PCDHA2: variants seen among roughly 807,000 people sequenced by gnomAD.
PCDHA2 encodes the protein protocadherin alpha-2.
A neutral mutation model predicts 66.0 loss-of-function variants in PCDHA2; 58 were observed. That is an observed-to-expected ratio of 0.88 (90% confidence interval 0.71 to 1.09). The LOEUF (loss-of-function observed/expected upper bound fraction) is 1.09, where lower values mean the gene tolerates loss of function less well. PCDHA2 is among the 50% of genes least tolerant of loss of function. PCDHA2 has a pLI of 0.00. For synonymous variants in PCDHA2, 634 were observed against 554.0 expected, an observed-to-expected ratio of 1.14 and a Z score of -2.03; for missense variants, 1,267 against 1,242.3, an observed-to-expected ratio of 1.02 and a Z score of -0.30.
chr5:140,795,015 G>C lies in PCDHA2; in HGVS notation c.51G>C (p.Ser17=). ...GAGGGGCCTGGACACGGCTGCTCTC[G>C]CTTCTGCTCCTCGCAGCCTGGGAGG... ...RGRGAWTRLL[S]LLLLAAWEVG... is the part of the protein sequence containing the mutation. Residue 17 remains serine (S), a synonymous_variant, in exon 1 of 4, where the codon TCG becomes TCC. Coordinates refer to ENST00000526136, the MANE Select transcript of PCDHA2 (RefSeq NM_018905.3). 6.2e-7 allele frequency: 1 copy of C among 1,613,754 alleles called. No individual in the cohort carries two copies. Among genetic ancestry groups the C allele is most frequent in the Non-Finnish European group, 8.5e-7 (1 of 1,179,942 alleles).
chr5:140,815,045 T>A (rs1042274991), intron 1 of PCDHA2: 4 of 152,212 alleles, frequency 2.6e-5, no homozygotes, highest in South Asian at 2.1e-4. Context: ...GAAATTTTTT[T>A]AATATCCTTT....
intron 1 of PCDHA2, chr5:140,968,491 T>C: frequency 6.2e-7 from 1 of 1,614,130 alleles, no homozygotes; most frequent in Non-Finnish European, 8.5e-7. Flanking sequence ...TGAATGACCA[T>C]GCCCCTCACA....
rs1245341216 is a variant in PCDHA2, at chr5:140,807,026, A to C, written c.2388+9674A>C. 15 of 852,748 alleles carry C rather than the reference A, an allele frequency of 1.8e-5. 1 individual carries two copies. The highest frequency in any genetic ancestry group is 5.0e-5 in the East Asian group (2 of 39,752). The allele number at this position is 852,748 out of a possible 1,614,324, so 52.8% of individuals were successfully genotyped here. On this transcript the variant is annotated intron_variant, in intron 1 of 3. Transcript: ENST00000526136. Reference sequence around the variant, plus strand: ...TTACCACAAAATACATGAGAGAAGGAGGAAGAAGGGAAAATTCCTTCTATT... The same window carrying C: ...TTACCACAAAATACATGAGAGAAGGCGGAAGAAGGGAAAATTCCTTCTATT...
chr5:140,984,178 A>C (rs2097090747), intron 3 of PCDHA2, among the ~76,000 whole-genome samples: 1 of 152,184 alleles, frequency 6.6e-6, no homozygotes, highest in South Asian at 2.1e-4. Context: ...AGCCACGTGA[A>C]ATCATGACTT....
chr5:140,928,892 T>C, intron 1 of PCDHA2: 1 of 1,614,198 alleles, frequency 6.2e-7, no homozygotes, highest in Non-Finnish European at 8.5e-7. Flanking sequence ...CTTCCAGACT[T>C]TGAAGATGTC....
chr5:140,846,555 T>C (rs1780556402), intron 1 of PCDHA2, among the ~76,000 whole-genome samples: 1 of 148,312 alleles, frequency 6.7e-6, no homozygotes, highest in Non-Finnish European at 1.5e-5. Flanking sequence ...TTTGTATTTT[T>C]AGTAGAGTCG....
chr5:140,852,974 G>T (rs1554146261), intron 1 of PCDHA2: 2 of 368,228 alleles, frequency 5.4e-6, no homozygotes, highest in East Asian at 1.6e-4. Context: ...CCCCTCCCGT[G>T]TTCACGCCAT....
chr5:140,929,931 A>G (rs2086483535), intron 1 of PCDHA2: 1 of 152,250 alleles, frequency 6.6e-6, no homozygotes, highest in Non-Finnish European at 1.5e-5. Flanking sequence ...AAAACAGTGT[A>G]TTCTCTAGCC....
chr5:140,843,463 G>T, intron 1 of PCDHA2: 1 of 1,596,032 alleles, frequency 6.3e-7, no homozygotes, highest in Non-Finnish European at 8.6e-7. Flanking sequence ...TGGTGCTCAC[G>T]CTGCTGCTGT....
rs139807581 is a variant in PCDHA2, at chr5:140,835,502, C to T, written c.2388+38150C>T. ...CAGGTACCGTCATCACATTGATTAG[C>T]GTGTTTGACCGAGATTTTGGAGTCA... is the stretch of plus-strand genomic sequence containing the variant. On this transcript the variant is annotated intron_variant, in intron 1 of 3. Transcript: ENST00000526136. 113 of 1,613,806 alleles carry T rather than the reference C, an allele frequency of 7.0e-5. 1 individual carries two copies. Among genetic ancestry groups the T allele is most frequent in the Non-Finnish European group, 8.7e-5 (103 of 1,179,880 alleles).
At chr5:140,895,080 C>T (rs537991545) in intron 1 of PCDHA2, among the ~76,000 whole-genome samples, 11 of 152,246 alleles carry the variant, frequency 7.2e-5, no homozygotes, top group Admixed American at 1.3e-4. Context: ...CTATCAGTTC[C>T]TCCTCAGTAT....
intron 1 of PCDHA2, chr5:140,856,867 C>G (rs1554149232): frequency 6.3e-7 from 1 of 1,595,186 alleles, no homozygotes; most frequent in East Asian, 2.2e-5. Context: ...AAGGAATAAA[C>G]AAGGAAATGA....
At chr5:140,992,954 C>T (rs1174073844) in intron 3 of PCDHA2, among the ~76,000 whole-genome samples, 4 of 152,190 alleles carry the variant, frequency 2.6e-5, no homozygotes, top group Non-Finnish European at 5.9e-5. Context: ...TTAAATCACC[C>T]CTTATACTGC....
chr5:141,010,265 G>A lies in PCDHA2; in HGVS notation c.*328G>A, dbSNP rs1554262846. ...GTTGGACTCTCTGCCCTGTGCTCCGGGGATCCTGTCTTGATGACACTTGCA... is the reference window on the plus strand; with the variant it reads ...GTTGGACTCTCTGCCCTGTGCTCCGAGGATCCTGTCTTGATGACACTTGCA... On this transcript the variant is annotated 3_prime_UTR_variant, in exon 4 of 4. Coordinates refer to ENST00000526136, the MANE Select transcript of PCDHA2 (RefSeq NM_018905.3). 6.4e-7 allele frequency: 1 copy of A among 1,551,726 alleles called. No homozygotes were observed. The highest frequency in any genetic ancestry group is 8.7e-7 in the Non-Finnish European group (1 of 1,147,006).
intron 1 of PCDHA2, chr5:140,871,329 C>A (rs1164407502): frequency 6.2e-7 from 1 of 1,613,942 alleles, no homozygotes; most frequent in African/African-American, 1.3e-5. Flanking sequence ...TGTGCTCCCG[C>A]GCGGTGGGGA....
intron 1 of PCDHA2, among the ~76,000 whole-genome samples, chr5:140,960,334 T>C (rs902345282): frequency 6.6e-6 from 1 of 152,182 alleles, no homozygotes; most frequent in African/African-American, 2.4e-5. Context: ...GAGAAGTACA[T>C]GAGGTGAGAT....
rs116648173 is a variant in PCDHA2, at chr5:140,807,153, G to A, written c.2388+9801G>A. The A allele has an allele frequency of 3.1e-4, 495 of 1,581,412 alleles. 3 individuals are homozygous for A. The African/African-American group carries it at 6.0e-3, about 19-fold the overall frequency. The stretch of plus-strand genomic sequence containing the variant: ...AAGATTTCCCTTGACTTTGAGAAAC[G>A]ATATTTAATCAGAACAAAATACTGT... On this transcript the variant is annotated intron_variant, in intron 1 of 3. Transcript: ENST00000526136.
chr5:140,969,354 T>G, intron 1 of PCDHA2: 1 of 1,612,552 alleles, frequency 6.2e-7, no homozygotes. Context: ...TCAGGGGGTC[T>G]TCTACAAACT....
intron 3 of PCDHA2, among the ~76,000 whole-genome samples, chr5:140,984,059 C>A (rs1269975627): frequency 6.6e-6 from 1 of 152,108 alleles, no homozygotes; most frequent in East Asian, 1.9e-4. Flanking sequence ...CAAATCTGTA[C>A]CCTCAGTGCC....
Sources: gnomAD v4.1 joint callset for allele counts (sites outside exome capture counted in the v4.1 genomes callset) on GRCh38, gnomAD v4.1.1 for gene constraint, MANE v1.5 for transcripts, NCBI Gene and HGNC (gene_info 2026-07-23, HGNC 2026-07-21) for gene names.